Variants in ZNF131 observed in about 807,000 individuals in gnomAD.
ZNF131 encodes the protein zinc finger and BTB domain containing 35, also known as zinc finger protein 131.
ZNF131 carries 7 observed loss-of-function variants against 60.0 expected under a neutral mutation model. That is an observed-to-expected ratio of 0.12 (90% CI 0.07 to 0.22). The LOEUF (loss-of-function observed/expected upper bound fraction) is 0.22. Among genes scored for constraint, ZNF131 ranks in the 10% least tolerant of loss-of-function variants. The pLI is 1.00. For missense variants in ZNF131, 493 were observed against 740.9 expected, an observed-to-expected ratio of 0.67 and a Z score of 3.88; for synonymous variants, 257 against 253.2, an observed-to-expected ratio of 1.01 and a Z score of -0.14.
chr5:43,146,330 G>A (rs528099460), intron 4 of ZNF131, among the ~76,000 whole-genome samples: 2 of 152,166 alleles, frequency 1.3e-5, no homozygotes, highest in African/African-American at 4.8e-5. Flanking sequence ...GCTCACGCCT[G>A]TAATCCCAGC....
At chr5:43,171,179 C>T (rs1750943407) in intron 5 of ZNF131, among the ~76,000 whole-genome samples, 1 of 151,926 alleles carries the variant, frequency 6.6e-6, no homozygotes, top group African/African-American at 2.4e-5. Flanking sequence ...AACTCCTGAC[C>T]TCACGTGATC....
chr5:43,156,321 C>T (rs532386595), intron 4 of ZNF131, among the ~76,000 whole-genome samples: 10 of 152,188 alleles, frequency 6.6e-5, no homozygotes, highest in Non-Finnish European at 1.3e-4. Context: ...TTGAGTCCTC[C>T]CATTCCTGAG....
chr5:43,160,178 AAAAAC>A (rs1749484422), intron 4 of ZNF131, among the ~76,000 whole-genome samples: 1 of 138,254 alleles, frequency 7.2e-6, no homozygotes. Context: ...TCCATCTCAA[AAAAAC>A]AAAACAAAAA....
chr5:43,152,457 T>G (rs904391327), intron 4 of ZNF131, among the ~76,000 whole-genome samples: 2 of 152,154 alleles, frequency 1.3e-5, no homozygotes, highest in Non-Finnish European at 2.9e-5. Flanking sequence ...TTAGAAGATA[T>G]GTTGGTAAAG....
intron 4 of ZNF131, among the ~76,000 whole-genome samples, chr5:43,144,224 T>A (rs889476411): frequency 4.4e-5 from 6 of 136,394 alleles, no homozygotes; most frequent in African/African-American, 1.6e-4. Flanking sequence ...GCCTGGCCTT[T>A]TTTTCTTTCT....
At chr5:43,128,414 T>C (rs536397165) in intron 3 of ZNF131, among the ~76,000 whole-genome samples, 3 of 152,178 alleles carry the variant, frequency 2.0e-5, no homozygotes, top group Admixed American at 1.3e-4. Context: ...CCCAGCACTT[T>C]GGGAGGCCGA....
chr5:43,175,000 G>A lies in ZNF131; in HGVS notation c.1739G>A (p.Ser580Asn). The A allele has an allele frequency of 6.2e-7, 1 of 1,614,138 alleles. No individual in the cohort carries two copies. Among genetic ancestry groups the A allele is most frequent in the African/African-American group, 1.3e-5 (1 of 75,038 alleles). ...ATGAACCAAGAGGAGAGAGAGTCTA[G>A]CCAAGCAGATGCTGCTGAGGCTGCC... ...EIMNQEERESSQADAAEAARE... is the reference protein window; with the variant it reads ...EIMNQEERESNQADAAEAARE... Residue 580 changes from serine (S) to asparagine (N), a missense_variant, in exon 7 of 7, where the codon AGC (serine) becomes AAC (asparagine). Coordinates refer to ENST00000682664, the MANE Select transcript of ZNF131 (RefSeq NM_001330707.2).
chr5:43,152,582 G>A (rs947969795), intron 4 of ZNF131, among the ~76,000 whole-genome samples: 2 of 152,056 alleles, frequency 1.3e-5, no homozygotes, highest in Non-Finnish European at 2.9e-5. Flanking sequence ...GGTTCTAGGG[G>A]CAGTTCTGAA....
chr5:43,134,203 A>G (rs2112204223), intron 3 of ZNF131, among the ~76,000 whole-genome samples: 1 of 152,344 alleles, frequency 6.6e-6, no homozygotes, highest in East Asian at 1.9e-4. Context: ...TACCCTTAGG[A>G]TGCAAGGATA....
chr5:43,141,885 G>A (rs1746875865), intron 4 of ZNF131, among the ~76,000 whole-genome samples: 1 of 152,140 alleles, frequency 6.6e-6, no homozygotes, highest in South Asian at 2.1e-4. Flanking sequence ...ATGTTCTGAA[G>A]AGTTCCCTTT....
intron 4 of ZNF131, among the ~76,000 whole-genome samples, chr5:43,141,042 A>T (rs993333632): frequency 1.3e-5 from 2 of 152,048 alleles, no homozygotes; most frequent in African/African-American, 4.8e-5. Flanking sequence ...TTTTTAAGAG[A>T]TAAAAATTTA....
chr5:43,173,531 A>C, intron 6 of ZNF131, 83 bp downstream of exon 6: 3 of 1,517,518 alleles, frequency 2.0e-6, no homozygotes, highest in Non-Finnish European at 2.7e-6. Flanking sequence ...ACAGAGTCTC[A>C]AGCAAAGGTA....
At chr5:43,171,590 C>T (rs1751000466) in intron 5 of ZNF131, among the ~76,000 whole-genome samples, 1 of 152,070 alleles carries the variant, frequency 6.6e-6, no homozygotes, top group South Asian at 2.1e-4. Context: ...GACATGCTCC[C>T]CTCTAGGTAG....
chr5:43,132,056 A>G (rs1215541148), intron 3 of ZNF131, among the ~76,000 whole-genome samples: 1 of 152,240 alleles, frequency 6.6e-6, no homozygotes, highest in African/African-American at 2.4e-5. Context: ...GCCTTGCTTT[A>G]TATGTATATA....
intron 3 of ZNF131, among the ~76,000 whole-genome samples, chr5:43,138,336 G>A (rs934088777): frequency 6.6e-6 from 1 of 152,184 alleles, no homozygotes. Context: ...AAATGATTAA[G>A]CATCCAACTA....
At chr5:43,160,312 G>T (rs1226824050) in intron 4 of ZNF131, among the ~76,000 whole-genome samples, 1 of 152,134 alleles carries the variant, frequency 6.6e-6, no homozygotes, top group Non-Finnish European at 1.5e-5. Flanking sequence ...AGACCACCCT[G>T]GGTGACATAG....
At position 43,161,615 on chromosome 5, in the gene ZNF131, T is replaced by C; in HGVS notation, c.738T>C (p.Gly246=). The C allele has an allele frequency of 1.2e-6, 2 of 1,614,200 alleles. No individual in the cohort carries two copies. The highest frequency in any genetic ancestry group is 1.7e-6 in the Non-Finnish European group (2 of 1,180,016). ...ACCCCACGAGCAAACAGGTAGAAGG[T>C]ATTGAAATTGTGGAACTTCAGCTGT... The part of the protein sequence containing the change: ...PSDPTSKQVE[G]IEIVELQLSH... Residue 246 remains glycine (G), a synonymous_variant, in exon 5 of 7, where the codon GGT becomes GGC. Transcript: ENST00000682664.
Position 43,158,745 on chromosome 5 carries a change from G to A in ZNF131, c.372-2504G>A, listed in dbSNP as rs187226697. On this transcript the variant is annotated intron_variant, in intron 4 of 6. Transcript: ENST00000682664. ...GTAGAGGGCCATTTATTGCTTTGTT[G>A]ACTATACAGTGTAGTCAACATGTTT... Among the ~76,000 whole-genome samples the A allele has an allele frequency of 9.2e-5, 14 of 152,276 alleles. No homozygotes were observed. In the East Asian group the frequency reaches 2.5e-3, roughly 27 times the overall value.
intron 5 of ZNF131, among the ~76,000 whole-genome samples, chr5:43,172,740 T>C (rs1383802385): frequency 1.3e-5 from 2 of 152,164 alleles, no homozygotes; most frequent in African/African-American, 4.8e-5. Flanking sequence ...TTCTTTTTTT[T>C]CTCCTATTTC....
Sources: allele counts gnomAD v4.1 joint callset (sites outside exome capture counted in the v4.1 genomes callset), GRCh38; gene constraint gnomAD v4.1.1; transcripts MANE v1.5; gene names NCBI Gene and HGNC (gene_info 2026-07-23, HGNC 2026-07-21).